SFMBT2: variants seen among roughly 807,000 people sequenced by gnomAD.
The protein encoded by SFMBT2 is scm-like with four MBT domains protein 2.
SFMBT2 carries 38 observed loss-of-function variants against 110.1 expected under a neutral mutation model. The observed-to-expected ratio is 0.35, with a 90% CI of 0.27 to 0.45. The LOEUF (loss-of-function observed/expected upper bound fraction) is 0.45, where lower values mean the gene tolerates loss of function less well. SFMBT2 is among the 20% of genes least tolerant of loss of function. The pLI is 1.00. For synonymous variants in SFMBT2, 425 were observed against 425.4 expected (o/e 1.00, Z 0.01); for missense variants, 1,011 against 1,094.9 (o/e 0.92, Z 1.08).
chr10:7,192,779 A>C (rs968278653), intron 15 of SFMBT2, among the ~76,000 whole-genome samples: 4 of 152,188 alleles, frequency 2.6e-5, no homozygotes, highest in African/African-American at 7.2e-5. Context: ...CGGAGGTCAC[A>C]TCACTATTTG....
rs1424120941 is a variant in SFMBT2 at position 7,248,649 on chromosome 10, C to T, written c.871G>A (p.Asp291Asn). 6.2e-7 allele frequency: 1 copy of T among 1,613,902 alleles called. No individual in the cohort carries two copies. The highest frequency in any genetic ancestry group is 8.5e-7 in the Non-Finnish European group (1 of 1,179,814). The stretch of plus-strand genomic sequence containing the variant: ...AAATGGCTTCGCAAATCTGCGTGAT[C>T]CTGCAGGGAGAAAGATGAAAATATT... Reference protein sequence around the residue: ...KFPLPMEVFKDHADLRSHFFT... With the variant: ...KFPLPMEVFKNHADLRSHFFT... The change falls in exon 8 of 21, where the codon GAT becomes AAT. Residue 291 changes from aspartate to asparagine, a missense_variant and splice_region_variant. This residue lies in a region of SFMBT2 where 979 missense variants were observed against 1,016.1 expected (regional missense o/e 0.96). Coordinates refer to ENST00000397167, the MANE Select transcript of SFMBT2 (RefSeq NM_001387889.1).
chr10:7,229,464 A>C (rs1840046905), intron 9 of SFMBT2, among the ~76,000 whole-genome samples: 1 of 151,654 alleles, frequency 6.6e-6, no homozygotes, highest in African/African-American at 2.4e-5. Flanking sequence ...TTGTAATCCC[A>C]GCTACTCGGG....
intron 11 of SFMBT2, among the ~76,000 whole-genome samples, chr10:7,217,174 G>A (rs995708036): frequency 1.3e-5 from 2 of 152,204 alleles, no homozygotes; most frequent in Non-Finnish European, 2.9e-5. Flanking sequence ...CAGGGGCTGA[G>A]GAGGGAAGGG....
intron 11 of SFMBT2, among the ~76,000 whole-genome samples, chr10:7,216,589 C>A (rs998488697): frequency 6.6e-6 from 1 of 152,172 alleles, no homozygotes; most frequent in Non-Finnish European, 1.5e-5. Context: ...GACTACCGAG[C>A]TATCTTGCTG....
chr10:7,281,514 T>C (rs892765585), intron 6 of SFMBT2, among the ~76,000 whole-genome samples: 8 of 152,178 alleles, frequency 5.3e-5, no homozygotes, highest in African/African-American at 1.9e-4. Flanking sequence ...TATTCTCGCC[T>C]AGATTCCAGT....
chr10:7,222,562 T>C (rs1332391372), intron 10 of SFMBT2, among the ~76,000 whole-genome samples: 22 of 152,210 alleles, frequency 1.4e-4, no homozygotes, highest in Non-Finnish European at 1.3e-4. Context: ...ACTTTCAGCA[T>C]GCTTTACGGC....
chr10:7,175,654 G>C (rs1436458577), intron 17 of SFMBT2, among the ~76,000 whole-genome samples: 3 of 152,176 alleles, frequency 2.0e-5, no homozygotes, highest in Non-Finnish European at 2.9e-5. Context: ...CTGTTACTGT[G>C]ATCAATTTTA....
At chr10:7,311,133 T>TAAA (rs147762078) in intron 4 of SFMBT2, among the ~76,000 whole-genome samples, 80 of 145,988 alleles carry the variant, frequency 5.5e-4, no homozygotes, top group Admixed American at 7.4e-4. Context: ...AAGTTTCCCC[T>TAAA]AAAAAAAAAA....
chr10:7,228,723 CTTT>C (rs1352293847), intron 9 of SFMBT2, among the ~76,000 whole-genome samples: 3,189 of 112,990 alleles, frequency 0.028, 40 homozygotes, highest in African/African-American at 0.044. Context: ...TTCTTTCTTT[CTTT>C]CTTTCTTTCC....
intron 4 of SFMBT2, among the ~76,000 whole-genome samples, chr10:7,352,262 G>A (rs566352164): frequency 6.6e-5 from 10 of 152,320 alleles, no homozygotes; most frequent in African/African-American, 2.2e-4. Context: ...AGGTGCCAGG[G>A]TCAGGTCAGT....
chr10:7,206,861 T>C (rs1839152130), intron 11 of SFMBT2: 1 of 984,540 alleles, frequency 1.0e-6, no homozygotes, highest in Non-Finnish European at 1.2e-6. Context: ...GCTCCATTAA[T>C]AGACGGTGAC....
chr10:7,353,151 T>C (rs1844380600), intron 4 of SFMBT2, among the ~76,000 whole-genome samples: 1 of 152,214 alleles, frequency 6.6e-6, no homozygotes, highest in South Asian at 2.1e-4. Context: ...TGTGCTTCAA[T>C]ATAAAATGCT....
chr10:7,251,981 C>T (rs1212715862), intron 7 of SFMBT2, among the ~76,000 whole-genome samples: 1 of 152,202 alleles, frequency 6.6e-6, no homozygotes, highest in Non-Finnish European at 1.5e-5. Context: ...CTCTTCATTC[C>T]CTCCATTCCA....
chr10:7,321,790 T>C (rs1044073406), intron 4 of SFMBT2, among the ~76,000 whole-genome samples: 1 of 152,246 alleles, frequency 6.6e-6, no homozygotes, highest in Non-Finnish European at 1.5e-5. Flanking sequence ...CCTGGGATGC[T>C]TGTCAGCACT....
intron 4 of SFMBT2, among the ~76,000 whole-genome samples, chr10:7,347,884 T>C (rs905822270): frequency 6.6e-6 from 1 of 152,196 alleles, no homozygotes; most frequent in African/African-American, 2.4e-5. Flanking sequence ...GAAGGGCACA[T>C]AAATACATAC....
At chr10:7,239,606 A>G in intron 9 of SFMBT2, among the ~76,000 whole-genome samples, 1 of 152,202 alleles carries the variant, frequency 6.6e-6, no homozygotes, top group East Asian at 1.9e-4. Context: ...CAAGAGAGTA[A>G]GGGAGTCAAT....
intron 15 of SFMBT2, among the ~76,000 whole-genome samples, chr10:7,193,712 C>T (rs1838678224): frequency 6.6e-6 from 1 of 152,218 alleles, no homozygotes; most frequent in Admixed American, 6.5e-5. Flanking sequence ...CACACACAGA[C>T]ACTAGCCTGA....
chr10:7,213,892 C>T lies in SFMBT2; in HGVS notation c.1330+6519G>A, dbSNP rs149427817. The stretch of plus-strand genomic sequence containing the variant: ...AAAGCCACAGAGAAAGACGAGGCCA[C>T]GCTGGGCACAGATGGCTGAAGAGCA... On this transcript the variant is annotated intron_variant, in intron 11 of 20. Coordinates refer to ENST00000397167, the MANE Select transcript of SFMBT2 (RefSeq NM_001387889.1). Among the ~76,000 whole-genome samples the T allele has an allele frequency of 6.8e-3, 1,037 of 152,276 alleles. 5 individuals are homozygous for T. Among genetic ancestry groups the T allele is most frequent in the Non-Finnish European group, 0.011 (776 of 68,028 alleles).
chr10:7,350,259 C>A (rs1844269486), intron 4 of SFMBT2, among the ~76,000 whole-genome samples: 1 of 151,928 alleles, frequency 6.6e-6, no homozygotes, highest in African/African-American at 2.4e-5. Flanking sequence ...GGGGTCTTGT[C>A]TGTTCTGGCC....
Sources: gnomAD v4.1 joint callset for allele counts (sites outside exome capture counted in the v4.1 genomes callset) on GRCh38, gnomAD v4.1.1 for gene constraint, gnomAD v4.1.1 regional missense constraint, MANE v1.5 for transcripts, NCBI Gene and HGNC (gene_info 2026-07-23, HGNC 2026-07-21) for gene names.